The following XKR6 variants were observed in gnomAD, a reference collection of about 807,000 sequenced individuals.
The protein encoded by XKR6 is XK-related protein 6.
A neutral mutation model predicts 56.7 loss-of-function variants in XKR6; 22 were observed. The ratio of observed to expected loss-of-function variants is 0.39; its 90% CI spans 0.28 to 0.55. The LOEUF (loss-of-function observed/expected upper bound fraction) is 0.55. Ranked by LOEUF, XKR6 falls within the 20% of genes least tolerant of loss-of-function variation. The probability of loss-of-function intolerance (pLI) is 0.66; values close to 1 mark genes in which losing one functional copy is unlikely to be tolerated. For synonymous variants in XKR6, 524 were observed against 387.8 expected (o/e 1.35, Z -4.13); for missense variants, 852 against 889.0 (o/e 0.96, Z 0.53).
intron 1 of XKR6, chr8:11,106,609 G>A (rs1798684535): frequency 6.6e-6 from 1 of 152,338 alleles, no homozygotes; most frequent in African/African-American, 2.4e-5. Flanking sequence ...AGCACTTTGG[G>A]AGGCTGAGGT....
chr8:11,093,495 C>T (rs991741697), intron 1 of XKR6, among the ~76,000 whole-genome samples: 16 of 152,310 alleles, frequency 1.1e-4, no homozygotes, highest in Middle Eastern at 6.8e-3. Context: ...CTGTGGGTGG[C>T]GTCTTGTGCC....
intron 1 of XKR6, among the ~76,000 whole-genome samples, chr8:11,133,912 C>A (rs190258827): frequency 2.1e-5 from 3 of 144,786 alleles, no homozygotes; most frequent in African/African-American, 8.7e-5. Flanking sequence ...AAAGTCTAAA[C>A]CCCACAACTT....
intron 1 of XKR6, chr8:11,137,575 G>C (rs890372447): frequency 2.0e-5 from 9 of 456,118 alleles, no homozygotes; most frequent in Non-Finnish European, 3.1e-5. Context: ...AAAGACAGCA[G>C]GGAGAAGTTC....
At chr8:10,991,538 G>T (rs761233131) in intron 1 of XKR6, among the ~76,000 whole-genome samples, 1 of 152,158 alleles carries the variant, frequency 6.6e-6, no homozygotes, top group Non-Finnish European at 1.5e-5. Context: ...GGTCCTCGGG[G>T]TTGCCATAGG....
At chr8:10,917,186 C>G (rs1764971730) in intron 2 of XKR6, among the ~76,000 whole-genome samples, 1 of 152,034 alleles carries the variant, frequency 6.6e-6, no homozygotes, top group Non-Finnish European at 1.5e-5. Flanking sequence ...CTTCTAGGTG[C>G]TGTGTGACCT....
At chr8:10,952,077 C>T (rs1377842997) in intron 1 of XKR6, among the ~76,000 whole-genome samples, 4 of 152,148 alleles carry the variant, frequency 2.6e-5, no homozygotes, top group South Asian at 2.1e-4. Flanking sequence ...CACAGGTCCA[C>T]GGCATGACCT....
chr8:10,975,383 C>A (rs77412214), intron 1 of XKR6, among the ~76,000 whole-genome samples: 1 of 152,200 alleles, frequency 6.6e-6, no homozygotes, highest in Non-Finnish European at 1.5e-5. Flanking sequence ...TCCTCCCCAG[C>A]GCGCCTAAAG....
chr8:11,196,780 G>A (rs910594399), intron 1 of XKR6, among the ~76,000 whole-genome samples: 4 of 152,126 alleles, frequency 2.6e-5, no homozygotes, highest in East Asian at 1.9e-4. Context: ...GCAGTGCCTC[G>A]GCCTTTCTAT....
intron 1 of XKR6, among the ~76,000 whole-genome samples, chr8:10,984,085 C>G (rs1271661428): frequency 6.6e-6 from 1 of 152,146 alleles, no homozygotes; most frequent in African/African-American, 2.4e-5. Flanking sequence ...CAAACAAAAT[C>G]TACCAGCACA....
chr8:10,979,968 C>T (rs989376850), intron 1 of XKR6, among the ~76,000 whole-genome samples: 1 of 152,238 alleles, frequency 6.6e-6, no homozygotes, highest in Non-Finnish European at 1.5e-5. Context: ...CGGGTTCACA[C>T]ACCACAACCC....
At chr8:11,023,691 G>A (rs899379169) in intron 1 of XKR6, among the ~76,000 whole-genome samples, 75 of 152,284 alleles carry the variant, frequency 4.9e-4, no homozygotes, top group African/African-American at 1.7e-3. Context: ...CCACAGCGAG[G>A]GACTGCTAAC....
At chr8:11,130,147 T>A (rs1219683532) in intron 1 of XKR6, among the ~76,000 whole-genome samples, 1 of 152,100 alleles carries the variant, frequency 6.6e-6, no homozygotes, top group Non-Finnish European at 1.5e-5. Context: ...GTGTTTGGCA[T>A]TTAAGGAAAT....
intron 1 of XKR6, among the ~76,000 whole-genome samples, chr8:11,054,055 G>C (rs1799620386): frequency 6.6e-6 from 1 of 152,138 alleles, no homozygotes; most frequent in African/African-American, 2.4e-5. Flanking sequence ...ACACTGTTTT[G>C]TGCGAAATAA....
At chr8:10,908,378 C>CATAT (rs59605171) in intron 2 of XKR6, among the ~76,000 whole-genome samples, 46,584 of 149,288 alleles carry the variant, frequency 0.31, 7,791 homozygotes, top group African/African-American at 0.42. Flanking sequence ...CTGCCATAAA[C>CATAT]ATATATATAT....
intron 2 of XKR6, among the ~76,000 whole-genome samples, chr8:10,908,228 C>A (rs1414952660): frequency 6.6e-6 from 1 of 152,180 alleles, no homozygotes; most frequent in Non-Finnish European, 1.5e-5. Context: ...ATGCAACGAG[C>A]ATGAAGGAAA....
intron 1 of XKR6, among the ~76,000 whole-genome samples, chr8:11,198,877 C>T (rs1009653597): frequency 5.3e-5 from 8 of 151,922 alleles, no homozygotes; most frequent in African/African-American, 1.9e-4. Context: ...CTGCTTCATT[C>T]CTGGCATCTT....
chr8:11,163,444 A>G (rs926819669), intron 1 of XKR6, among the ~76,000 whole-genome samples: 1 of 152,224 alleles, frequency 6.6e-6, no homozygotes, highest in African/African-American at 2.4e-5. Context: ...AGAATCAAAA[A>G]GCTCACAAAA....
chr8:11,029,461 T>C (rs1233042414), intron 1 of XKR6, among the ~76,000 whole-genome samples: 1 of 152,174 alleles, frequency 6.6e-6, no homozygotes, highest in African/African-American at 2.4e-5. Context: ...GCCCCCATGA[T>C]GGGATTTCTG....
intron 1 of XKR6, among the ~76,000 whole-genome samples, chr8:10,988,880 G>A (rs112220579): frequency 0.015 from 2,215 of 152,290 alleles, 50 homozygotes; most frequent in African/African-American, 0.051. Context: ...TTTGCTGTCC[G>A]GTGGCTTGTG....
Sources: gnomAD v4.1 joint callset for allele counts (sites outside exome capture counted in the v4.1 genomes callset) on GRCh38, gnomAD v4.1.1 for gene constraint, MANE v1.5 for transcripts, NCBI Gene and HGNC (gene_info 2026-07-23, HGNC 2026-07-21) for gene names.